SKIC8: variants seen among roughly 807,000 people sequenced by gnomAD.
The protein encoded by SKIC8 is SKI8 subunit of superkiller complex.
the SKIC8 span, chr15:78,283,368 G>T: frequency 7.6e-7 from 1 of 1,320,172 alleles, no homozygotes; most frequent in Non-Finnish European, 1.1e-6. Context: ...AGCCTAAGAA[G>T]GTAAGGAATG....
the SKIC8 span, chr15:78,290,089 C>A: frequency 6.2e-7 from 1 of 1,613,622 alleles, no homozygotes; most frequent in Non-Finnish European, 8.5e-7. Flanking sequence ...AGGCCAAAGT[C>A]CAGGCATCCA....
chr15:78,287,327 C>G, the SKIC8 span, among the ~76,000 whole-genome samples: 4 of 76,344 alleles, frequency 5.2e-5, no homozygotes, highest in African/African-American at 8.9e-5. Flanking sequence ...CACTCAGTTA[C>G]AGTTAAAAAC....
chr15:78,283,654 CAGTG>C, the SKIC8 span: 2 of 651,738 alleles, frequency 3.1e-6, no homozygotes, highest in Non-Finnish European at 4.9e-6. Flanking sequence ...CTTTCTAAAT[CAGTG>C]AGAATGGAGG....
the SKIC8 span, chr15:78,291,325 C>T: frequency 1.3e-5 from 2 of 152,196 alleles, no homozygotes; most frequent in African/African-American, 4.8e-5. Context: ...AAGGTAGAAA[C>T]AGTTCTGTCT....
At chr15:78,295,577 T>G in the SKIC8 span, 1,959 of 1,530,898 alleles carry the variant, frequency 1.3e-3, no homozygotes, top group Non-Finnish European at 1.6e-3. Flanking sequence ...CAGGCAAGAA[T>G]GAGATGCTAG....
At chr15:78,294,707 A>T in the SKIC8 span, 1 of 440,942 alleles carries the variant, frequency 2.3e-6, no homozygotes, top group Non-Finnish European at 4.0e-6. Context: ...AATTTTCCTC[A>T]GCCTAGAATT....
the SKIC8 span, chr15:78,288,459 T>C: frequency 6.5e-6 from 9 of 1,390,192 alleles, no homozygotes; most frequent in Non-Finnish European, 9.1e-6. Flanking sequence ...AATGCCCCTT[T>C]TAATGATTAT....
At chr15:78,285,030 T>C in the SKIC8 span, 1 of 523,212 alleles carries the variant, frequency 1.9e-6, no homozygotes, top group Non-Finnish European at 3.4e-6. Flanking sequence ...TTTTCCAGCC[T>C]ATGTGGGGAT....
the SKIC8 span, chr15:78,285,860 G>C: frequency 9.9e-6 from 5 of 505,372 alleles, no homozygotes; most frequent in Admixed American, 1.8e-4. Context: ...AGGATTACTT[G>C]TTGACTTTTG....
At chr15:78,283,958 CCA>C in the SKIC8 span, 1 of 154,664 alleles carries the variant, frequency 6.5e-6, no homozygotes, top group Non-Finnish European at 1.4e-5. Context: ...TGTCCGCCCC[CCA>C]CAGTCAGTAA....
chr15:78,296,814 T>C, the SKIC8 span, among the ~76,000 whole-genome samples: 1 of 152,156 alleles, frequency 6.6e-6, no homozygotes, highest in South Asian at 2.1e-4. Flanking sequence ...CAGGATGTCT[T>C]TACAGAAAAT....
chr15:78,295,512 T>C, the SKIC8 span: 2 of 825,616 alleles, frequency 2.4e-6, no homozygotes, highest in Middle Eastern at 2.2e-4. Flanking sequence ...ATTTCACTAG[T>C]CCCACCTAAC....
chr15:78,285,031 A>C, the SKIC8 span: 1 of 527,400 alleles, frequency 1.9e-6, no homozygotes, highest in Non-Finnish European at 3.4e-6. Flanking sequence ...TTTCCAGCCT[A>C]TGTGGGGATA....
chr15:78,285,974 C>T, the SKIC8 span: 1 of 1,310,724 alleles, frequency 7.6e-7, no homozygotes, highest in Non-Finnish European at 1.1e-6. Context: ...AATGTTAAGG[C>T]AATCTATACA....
At chr15:78,289,830 C>T in the SKIC8 span, 1 of 1,531,968 alleles carries the variant, frequency 6.5e-7, no homozygotes. Context: ...CTTGGCAAAC[C>T]ACACCAGTGA....
the SKIC8 span, among the ~76,000 whole-genome samples, chr15:78,299,190 T>C: frequency 3.9e-5 from 6 of 152,210 alleles, no homozygotes; most frequent in African/African-American, 1.4e-4. Context: ...TGTCTGTATC[T>C]GTCCAGCACG....
At chr15:78,292,548 C>CTAT in the SKIC8 span, 2 of 1,602,644 alleles carry the variant, frequency 1.2e-6, no homozygotes, top group Non-Finnish European at 1.7e-6. Context: ...AAAACACATT[C>CTAT]TATCCCTAAA....
chr15:78,289,029 G>A, the SKIC8 span: 1 of 383,368 alleles, frequency 2.6e-6, no homozygotes, highest in Non-Finnish European at 5.1e-6. Flanking sequence ...CATACATAAT[G>A]TGATAGATTA....
the SKIC8 span, chr15:78,295,111 C>A: frequency 1.0e-6 from 1 of 960,462 alleles, no homozygotes; most frequent in East Asian, 2.5e-5. Flanking sequence ...CTGGCCATCC[C>A]GCAAGCTCCT....
Sources: gnomAD v4.1 joint callset for allele counts (sites outside exome capture counted in the v4.1 genomes callset) on GRCh38, gnomAD v4.1.1 for gene constraint, MANE v1.5 for transcripts, NCBI Gene and HGNC (gene_info 2026-07-23, HGNC 2026-07-21) for gene names.